The following RBMS3 variants were observed in gnomAD, a reference collection of about 807,000 sequenced individuals.
The protein encoded by RBMS3 is RNA-binding motif, single-stranded-interacting protein 3.
Under a neutral mutation model 66.8 loss-of-function variants are expected in RBMS3, and 27 were observed. The observed-to-expected ratio is 0.40, with a 90% CI of 0.30 to 0.56. RBMS3 has a LOEUF of 0.56. Among genes scored for constraint, RBMS3 ranks in the 20% least tolerant of loss-of-function variants. RBMS3 has a pLI of 0.40. For missense variants in RBMS3, 513 were observed against 549.5 expected (o/e 0.93, Z 0.66); for synonymous variants, 188 against 183.0 (o/e 1.03, Z -0.22).
chr3:29,374,100 A>C (rs2038344526), intron 1 of RBMS3, among the ~76,000 whole-genome samples: 1 of 152,220 alleles, frequency 6.6e-6, no homozygotes, highest in African/African-American at 2.4e-5. Flanking sequence ...GAAATGTATC[A>C]GCCTGGGGAC....
chr3:29,619,257 A>T (rs952258776), intron 4 of RBMS3, among the ~76,000 whole-genome samples: 23 of 142,028 alleles, frequency 1.6e-4, no homozygotes, highest in Non-Finnish European at 1.1e-4. Flanking sequence ...TGTTCTGTAC[A>T]TGTATTTTAT....
At chr3:29,651,312 AAACTC>A (rs2050137228) in intron 4 of RBMS3, among the ~76,000 whole-genome samples, 1 of 152,212 alleles carries the variant, frequency 6.6e-6, no homozygotes, top group South Asian at 2.1e-4. Flanking sequence ...AAATTAGAGA[AAACTC>A]AAGAATACAT....
At chr3:29,600,156 G>A (rs2048094267) in intron 4 of RBMS3, among the ~76,000 whole-genome samples, 2 of 152,024 alleles carry the variant, frequency 1.3e-5, no homozygotes, top group East Asian at 1.9e-4. Context: ...TAGTGTTTGA[G>A]CTGTTAATTT....
intron 1 of RBMS3, among the ~76,000 whole-genome samples, chr3:29,341,398 T>C (rs1391651331): frequency 6.6e-6 from 1 of 152,192 alleles, no homozygotes; most frequent in Non-Finnish European, 1.5e-5. Context: ...ATTTGAACAC[T>C]TATTTGTATT....
At chr3:29,587,283 A>T (rs1438319415) in intron 4 of RBMS3, 78 bp downstream of exon 4, 2 of 724,394 alleles carry the variant, frequency 2.8e-6, no homozygotes, top group Non-Finnish European at 3.9e-6. Flanking sequence ...TGTGTGAAAG[A>T]GAGAGAGAGA....
chr3:29,656,093 T>G (rs2050317871), intron 4 of RBMS3, among the ~76,000 whole-genome samples: 1 of 152,124 alleles, frequency 6.6e-6, no homozygotes, highest in Non-Finnish European at 1.5e-5. Context: ...ATTAAAAAAT[T>G]TATAAGGTAA....
At chr3:29,901,502 T>C (rs17554023) in intron 10 of RBMS3, among the ~76,000 whole-genome samples, 6,823 of 151,812 alleles carry the variant, frequency 0.045, 229 homozygotes, top group Non-Finnish European at 0.067. Flanking sequence ...GCAGGGAAGA[T>C]GGTTGTATGG....
chr3:29,587,040 A>G, intron 3 of RBMS3, 74 bp from the exon 4 acceptor site: 1 of 1,145,856 alleles, frequency 8.7e-7, no homozygotes, highest in Non-Finnish European at 1.3e-6. Flanking sequence ...CTATCTGTAA[A>G]CTTGTACTTC....
chr3:29,831,265 G>T (rs966340491), intron 6 of RBMS3, among the ~76,000 whole-genome samples: 2 of 152,130 alleles, frequency 1.3e-5, no homozygotes, highest in Admixed American at 1.3e-4. Flanking sequence ...TATGCCAATC[G>T]AATTCTCCTT....
intron 6 of RBMS3, among the ~76,000 whole-genome samples, chr3:29,829,699 T>A (rs1265635549): frequency 6.6e-6 from 1 of 152,160 alleles, no homozygotes; most frequent in Non-Finnish European, 1.5e-5. Context: ...AAACCTTGAG[T>A]CTGACAAAGA....
At chr3:29,299,544 C>T (rs1390680059) in intron 1 of RBMS3, among the ~76,000 whole-genome samples, 1 of 151,508 alleles carries the variant, frequency 6.6e-6, no homozygotes, top group African/African-American at 2.4e-5. Context: ...TGATTTCTAC[C>T]AACTGCGGGT....
At chr3:29,890,058 A>T (rs2059963200) in intron 8 of RBMS3, among the ~76,000 whole-genome samples, 1 of 151,726 alleles carries the variant, frequency 6.6e-6, no homozygotes. Flanking sequence ...GAAATTTTAC[A>T]TTCAGAAATT....
At chr3:29,605,244 C>T (rs1252067157) in intron 4 of RBMS3, among the ~76,000 whole-genome samples, 1 of 151,656 alleles carries the variant, frequency 6.6e-6, no homozygotes, top group African/African-American at 2.4e-5. Context: ...AAAAATGAAA[C>T]ATTTTACGAT....
At chr3:29,897,573 C>A (rs755585331) in intron 9 of RBMS3, 98 bp downstream of exon 9, 1 of 1,071,604 alleles carries the variant, frequency 9.3e-7, no homozygotes, top group South Asian at 1.3e-5. Context: ...GAAAAAAATT[C>A]TCATACACTT....
intron 4 of RBMS3, among the ~76,000 whole-genome samples, chr3:29,621,343 T>C (rs2048858034): frequency 6.6e-6 from 1 of 152,152 alleles, no homozygotes; most frequent in Non-Finnish European, 1.5e-5. Flanking sequence ...CAGGCACTCA[T>C]GTAGTTATAA....
At chr3:29,777,018 A>G (rs1026411710) in intron 6 of RBMS3, among the ~76,000 whole-genome samples, 17 of 151,936 alleles carry the variant, frequency 1.1e-4, no homozygotes, top group African/African-American at 3.9e-4. Flanking sequence ...GTGTTAATGT[A>G]GTCATACACA....
intron 3 of RBMS3, among the ~76,000 whole-genome samples, chr3:29,579,673 A>T (rs2047256781): frequency 6.6e-6 from 1 of 152,182 alleles, no homozygotes; most frequent in Non-Finnish European, 1.5e-5. Flanking sequence ...GATGGTAGAG[A>T]CACACAGGAC....
chr3:29,370,411 G>T (rs1398369730), intron 1 of RBMS3, among the ~76,000 whole-genome samples: 1 of 152,118 alleles, frequency 6.6e-6, no homozygotes, highest in Non-Finnish European at 1.5e-5. Flanking sequence ...TAAATTTATT[G>T]CTTTTGATAA....
chr3:29,738,199 T>G (rs1295577351), intron 4 of RBMS3, among the ~76,000 whole-genome samples: 1 of 152,192 alleles, frequency 6.6e-6, no homozygotes, highest in Non-Finnish European at 1.5e-5. Flanking sequence ...TTCTACTTGT[T>G]TATTGTTTTT....
Sources: gnomAD v4.1 joint callset for allele counts (sites outside exome capture counted in the v4.1 genomes callset) on GRCh38, gnomAD v4.1.1 for gene constraint, MANE v1.5 for transcripts, NCBI Gene and HGNC (gene_info 2026-07-23, HGNC 2026-07-21) for gene names.